Variants in BBX observed in about 807,000 individuals in gnomAD.
BBX encodes the protein HMG box transcription factor BBX.
In BBX, 30 loss-of-function variants were observed where a neutral mutation model predicts 100.2. That is an observed-to-expected ratio of 0.30 (90% CI 0.22 to 0.41). The LOEUF (loss-of-function observed/expected upper bound fraction) is 0.41. Among genes scored for constraint, BBX ranks in the 10% least tolerant of loss-of-function variants. The probability of loss-of-function intolerance (pLI) is 1.00; values close to 1 mark genes in which losing one functional copy is unlikely to be tolerated. For missense variants in BBX, 1,023 were observed against 1,129.8 expected (o/e 0.91, Z 1.35); for synonymous variants, 376 against 388.1 (o/e 0.97, Z 0.37).
At chr3:107,568,169 T>C (rs1286675503) in intron 2 of BBX, among the ~76,000 whole-genome samples, 1 of 152,150 alleles carries the variant, frequency 6.6e-6, no homozygotes, top group East Asian at 1.9e-4. Context: ...TTTTAGGTGT[T>C]TTTGTTTTTA....
intron 10 of BBX, among the ~76,000 whole-genome samples, chr3:107,771,768 T>C (rs992673114): frequency 6.6e-6 from 1 of 152,218 alleles, no homozygotes; most frequent in Non-Finnish European, 1.5e-5. Context: ...TATAATGTTT[T>C]GTTCATTAAT....
At position 107,772,734 on chromosome 3, in the gene BBX, A is replaced by C; in HGVS notation, c.1013A>C (p.Lys338Thr). ...IKELEKGKEEKEIKMEKTDET... is the reference protein window; with the variant it reads ...IKELEKGKEETEIKMEKTDET... ...GAATTAGAGAAGGGAAAGGAAGAAAAAGAAATTAAAATGGAGAAAACAGAT... is the reference window on the plus strand; with the variant it reads ...GAATTAGAGAAGGGAAAGGAAGAAACAGAAATTAAAATGGAGAAAACAGAT... The change falls in exon 11 of 18, where the codon AAA becomes ACA. Residue 338 changes from lysine to threonine, a missense_variant. Physicochemically the swap from Lys to Thr is moderately conservative, Grantham distance 78 (BLOSUM62 -1). This residue lies in a region of BBX where 348 missense variants were observed against 353.2 expected (regional missense o/e 0.99). Transcript: ENST00000325805. The C allele has an allele frequency of 1.2e-6, 2 of 1,612,270 alleles. No individual in the cohort carries two copies. The highest frequency in any genetic ancestry group is 1.7e-6 in the Non-Finnish European group (2 of 1,179,652).
At chr3:107,774,097 T>G (rs571645335) in intron 11 of BBX, among the ~76,000 whole-genome samples, 2 of 152,268 alleles carry the variant, frequency 1.3e-5, no homozygotes, top group East Asian at 3.9e-4. Flanking sequence ...GCACAGTGGC[T>G]TACACCTGTA....
intron 3 of BBX, among the ~76,000 whole-genome samples, chr3:107,658,318 G>T (rs1034013639): frequency 2.0e-5 from 3 of 151,960 alleles, no homozygotes; most frequent in South Asian, 2.1e-4. Context: ...GCTCATCCAG[G>T]TATTAATATC....
chr3:107,777,227 C>T (rs754208748), intron 12 of BBX, among the ~76,000 whole-genome samples: 8 of 152,108 alleles, frequency 5.3e-5, no homozygotes, highest in Non-Finnish European at 1.2e-4. Context: ...GTACCATCAG[C>T]GGTTTCAGGC....
At chr3:107,606,974 G>A (rs2054493892) in intron 2 of BBX, among the ~76,000 whole-genome samples, 1 of 151,944 alleles carries the variant, frequency 6.6e-6, no homozygotes, top group Non-Finnish European at 1.5e-5. Flanking sequence ...TATCTCCAAT[G>A]GTTCAGTTGT....
At chr3:107,622,013 A>G in intron 2 of BBX, among the ~76,000 whole-genome samples, 1 of 152,124 alleles carries the variant, frequency 6.6e-6, no homozygotes, top group Non-Finnish European at 1.5e-5. Context: ...ACATGTATAG[A>G]TTTCGTGTAC....
At chr3:107,713,221 G>A (rs1375423058) in intron 4 of BBX, among the ~76,000 whole-genome samples, 1 of 152,132 alleles carries the variant, frequency 6.6e-6, no homozygotes, top group Non-Finnish European at 1.5e-5. Flanking sequence ...TATTGTCCCT[G>A]TTCTCACTTC....
chr3:107,648,518 G>A (rs748686761), intron 3 of BBX, among the ~76,000 whole-genome samples: 1 of 152,010 alleles, frequency 6.6e-6, no homozygotes, highest in Non-Finnish European at 1.5e-5. Context: ...TGAGGAAATG[G>A]GTACTTCGCT....
intron 3 of BBX, among the ~76,000 whole-genome samples, chr3:107,694,650 A>G (rs2060445878): frequency 6.7e-6 from 1 of 149,948 alleles, no homozygotes; most frequent in Admixed American, 6.6e-5. Flanking sequence ...ATTGGTCTAA[A>G]ATTCTCTTTT....
intron 3 of BBX, among the ~76,000 whole-genome samples, chr3:107,699,827 G>A (rs558735562): frequency 4.7e-4 from 72 of 151,980 alleles, no homozygotes; most frequent in Non-Finnish European, 8.8e-4. Context: ...ATATTTTCTC[G>A]AGAGGATAGA....
At chr3:107,689,663 A>C (rs943213412) in intron 3 of BBX, among the ~76,000 whole-genome samples, 1 of 152,192 alleles carries the variant, frequency 6.6e-6, no homozygotes, top group African/African-American at 2.4e-5. Context: ...TAGTATAGTT[A>C]AGTCTATATG....
chr3:107,693,150 C>T (rs2060308131), intron 3 of BBX, among the ~76,000 whole-genome samples: 1 of 148,970 alleles, frequency 6.7e-6, no homozygotes, highest in African/African-American at 2.5e-5. Flanking sequence ...TTGTAGGTTG[C>T]CTGTTCACTC....
chr3:107,705,297 C>T (rs769817028), intron 3 of BBX, among the ~76,000 whole-genome samples: 2 of 151,998 alleles, frequency 1.3e-5, no homozygotes, highest in Admixed American at 6.6e-5. Flanking sequence ...TTTCACTGGG[C>T]GTGAATTTTA....
chr3:107,760,715 A>AC (rs991166400), intron 10 of BBX, among the ~76,000 whole-genome samples: 5 of 3,576 alleles, frequency 1.4e-3, no homozygotes, highest in African/African-American at 1.6e-3. Context: ...CAGGGGAAAA[A>AC]ACTGATGATG....
At chr3:107,591,364 T>A (rs1466783908) in intron 2 of BBX, among the ~76,000 whole-genome samples, 1 of 152,194 alleles carries the variant, frequency 6.6e-6, no homozygotes, top group East Asian at 1.9e-4. Flanking sequence ...AAAGCATGGT[T>A]GGAGAATTCA....
intron 2 of BBX, among the ~76,000 whole-genome samples, chr3:107,581,608 G>C (rs1296625623): frequency 6.6e-6 from 1 of 151,916 alleles, no homozygotes; most frequent in African/African-American, 2.4e-5. Context: ...TTGGTAACTG[G>C]TCTTCTGTGC....
At chr3:107,686,029 A>G (rs949787718) in intron 3 of BBX, among the ~76,000 whole-genome samples, 4 of 152,156 alleles carry the variant, frequency 2.6e-5, no homozygotes, top group Non-Finnish European at 5.9e-5. Context: ...TGAAGAAGAA[A>G]CTAAGAGTCC....
chr3:107,605,707 A>T (rs572300173), intron 2 of BBX, among the ~76,000 whole-genome samples: 1 of 152,178 alleles, frequency 6.6e-6, no homozygotes, highest in Non-Finnish European at 1.5e-5. Context: ...AGGGACAGGC[A>T]TGTATGTCCC....
Sources: gnomAD v4.1 joint callset for allele counts (sites outside exome capture counted in the v4.1 genomes callset) on GRCh38, gnomAD v4.1.1 for gene constraint, gnomAD v4.1.1 regional missense constraint, MANE v1.5 for transcripts, NCBI Gene and HGNC (gene_info 2026-07-23, HGNC 2026-07-21) for gene names.